SVOP: variants seen among roughly 807,000 people sequenced by gnomAD.
SVOP encodes the protein SV2 related protein, also known as synaptic vesicle 2-related protein.
SVOP carries 17 observed loss-of-function variants against 69.1 expected under a neutral mutation model. That is an observed-to-expected ratio of 0.25 (90% confidence interval 0.17 to 0.37). The LOEUF (loss-of-function observed/expected upper bound fraction) is 0.37, where lower values mean the gene tolerates loss of function less well. Among genes scored for constraint, SVOP ranks in the 10% least tolerant of loss-of-function variants. The pLI is 1.00. For synonymous variants in SVOP, 238 were observed against 238.6 expected (o/e 1.00, Z 0.02); for missense variants, 435 against 597.5 (o/e 0.73, Z 2.84).
chr12:108,957,054 C>T (rs898699244), intron 6 of SVOP, among the ~76,000 whole-genome samples: 5 of 152,008 alleles, frequency 3.3e-5, no homozygotes, highest in Admixed American at 3.3e-4. Context: ...GTCTCAGTGA[C>T]CCAGATCAGG....
At chr12:108,951,039 T>A (rs1228797303) in intron 6 of SVOP, among the ~76,000 whole-genome samples, 1 of 152,230 alleles carries the variant, frequency 6.6e-6, no homozygotes, top group African/African-American at 2.4e-5. Flanking sequence ...AATTAGAGGC[T>A]TGCCATTTGG....
chr12:108,964,533 T>C (rs2040034392), intron 5 of SVOP, among the ~76,000 whole-genome samples: 1 of 151,860 alleles, frequency 6.6e-6, no homozygotes, highest in Non-Finnish European at 1.5e-5. Flanking sequence ...TTATCTGTCC[T>C]GTTTGATCAC....
intron 11 of SVOP, among the ~76,000 whole-genome samples, chr12:108,928,289 T>C (rs2039794426): frequency 6.6e-6 from 1 of 151,794 alleles, no homozygotes; most frequent in Non-Finnish European, 1.5e-5. Flanking sequence ...ATCCTCACCC[T>C]TGGGCTCTGT....
chr12:108,966,307 T>A (rs1000712685), intron 5 of SVOP, among the ~76,000 whole-genome samples: 2 of 152,216 alleles, frequency 1.3e-5, no homozygotes, highest in Non-Finnish European at 2.9e-5. Flanking sequence ...TAAACCTGGA[T>A]GCGTTTATCT....
chr12:108,976,966 G>A (rs1315602903), intron 4 of SVOP, among the ~76,000 whole-genome samples: 1 of 152,210 alleles, frequency 6.6e-6, no homozygotes, highest in Non-Finnish European at 1.5e-5. Context: ...CAAAAAGTGA[G>A]GGTTCTGCAG....
At chr12:108,990,127 C>T (rs1406171663) in intron 1 of SVOP, among the ~76,000 whole-genome samples, 3 of 152,272 alleles carry the variant, frequency 2.0e-5, no homozygotes, top group African/African-American at 7.2e-5. Flanking sequence ...AGTGCCTCTC[C>T]CAAGCATTCA....
At chr12:108,913,943 G>T (rs1287155714) in intron 15 of SVOP, among the ~76,000 whole-genome samples, 2 of 152,168 alleles carry the variant, frequency 1.3e-5, no homozygotes, top group Non-Finnish European at 2.9e-5. Flanking sequence ...GAGCCACCAT[G>T]CCCAGCCCAT....
At chr12:108,956,152 A>T (rs892390169) in intron 6 of SVOP, among the ~76,000 whole-genome samples, 4 of 150,934 alleles carry the variant, frequency 2.7e-5, no homozygotes, top group Non-Finnish European at 5.9e-5. Context: ...TACAAAAAAA[A>T]TTAGCTGGGC....
At chr12:108,916,131 ACTC>A (rs1439297742) in intron 14 of SVOP, among the ~76,000 whole-genome samples, 1 of 151,390 alleles carries the variant, frequency 6.6e-6, no homozygotes, top group African/African-American at 2.4e-5. Flanking sequence ...CTCCCCAAAG[ACTC>A]CTCCACCAGG....
intron 11 of SVOP, among the ~76,000 whole-genome samples, chr12:108,932,027 T>C (rs570757270): frequency 6.6e-6 from 1 of 152,228 alleles, no homozygotes; most frequent in Admixed American, 6.5e-5. Context: ...TTTTATTTTT[T>C]TTACACACAC....
At chr12:108,928,750 T>C (rs1011333984) in intron 11 of SVOP, among the ~76,000 whole-genome samples, 2 of 151,944 alleles carry the variant, frequency 1.3e-5, no homozygotes, top group African/African-American at 4.8e-5. Context: ...GTAGTTTTGA[T>C]AGAGACAGGG....
chr12:108,944,132 C>T (rs893045041), intron 7 of SVOP, among the ~76,000 whole-genome samples: 2 of 151,934 alleles, frequency 1.3e-5, no homozygotes, highest in South Asian at 2.1e-4. Context: ...CCAAACGCCC[C>T]GGCCTCCCAA....
intron 8 of SVOP, among the ~76,000 whole-genome samples, chr12:108,939,329 C>T (rs774193408): frequency 6.6e-6 from 1 of 152,258 alleles, no homozygotes; most frequent in East Asian, 1.9e-4. Flanking sequence ...TTCAGAGTTC[C>T]AGGTGAGGGC....
chr12:108,989,694 G>A (rs548896671), intron 1 of SVOP, among the ~76,000 whole-genome samples: 64 of 152,326 alleles, frequency 4.2e-4, no homozygotes, highest in Non-Finnish European at 8.5e-4. Context: ...ACCAACACTG[G>A]CAATAGCTGG....
intron 3 of SVOP, among the ~76,000 whole-genome samples, chr12:108,977,745 T>C (rs954159854): frequency 6.6e-6 from 1 of 152,120 alleles, no homozygotes. Context: ...TTTTAAAAAA[T>C]ATGGGCATAT....
intron 5 of SVOP, among the ~76,000 whole-genome samples, chr12:108,966,120 G>A (rs1040635154): frequency 6.6e-6 from 1 of 151,944 alleles, no homozygotes; most frequent in Admixed American, 6.6e-5. Context: ...TCTCACTTCA[G>A]CCCCCAAGTA....
chr12:108,982,645 CATCACCATCATCATG>C (rs1324662580), intron 2 of SVOP, among the ~76,000 whole-genome samples: 5 of 150,730 alleles, frequency 3.3e-5, no homozygotes, highest in Non-Finnish European at 7.4e-5. Context: ...TCATCATCAC[CATCACCATCATCATG>C]ATCACCATCA....
At chr12:108,920,092 C>A (rs767981035) in intron 12 of SVOP, among the ~76,000 whole-genome samples, 25 of 152,162 alleles carry the variant, frequency 1.6e-4, no homozygotes, top group Admixed American at 7.2e-4. Context: ...GAACTGAGGC[C>A]CTCAGTGCAA....
chr12:108,955,896 A>T (rs1168764750), intron 6 of SVOP, among the ~76,000 whole-genome samples: 1 of 152,228 alleles, frequency 6.6e-6, no homozygotes, highest in Non-Finnish European at 1.5e-5. Flanking sequence ...GAGAAAACAG[A>T]TGCAGGAAGG....
Sources: gnomAD v4.1 joint callset for allele counts (sites outside exome capture counted in the v4.1 genomes callset) on GRCh38, gnomAD v4.1.1 for gene constraint, MANE v1.5 for transcripts, NCBI Gene and HGNC (gene_info 2026-07-23, HGNC 2026-07-21) for gene names.